The following NEMF variants were observed in gnomAD, a reference collection of about 807,000 sequenced individuals.
The protein encoded by NEMF is nuclear export mediator factor.
A neutral mutation model predicts 162.2 loss-of-function variants in NEMF; 89 were observed. The ratio of observed to expected loss-of-function variants is 0.55; its 90% CI spans 0.46 to 0.65. The LOEUF (loss-of-function observed/expected upper bound fraction) is 0.65, where lower values mean the gene tolerates loss of function less well. Ranked by LOEUF, NEMF falls within the 30% of genes least tolerant of loss-of-function variation. The pLI is 0.00. For synonymous variants in NEMF, 421 were observed against 404.5 expected (o/e 1.04, Z -0.49); for missense variants, 1,133 against 1,261.9 (o/e 0.90, Z 1.55).
At position 49,806,097 on chromosome 14, in the gene NEMF, C is replaced by T; in HGVS notation, c.1781G>A (p.Gly594Asp). The T allele has an allele frequency of 6.2e-7, 1 of 1,612,244 alleles. No individual in the cohort carries two copies. The highest frequency in any genetic ancestry group is 8.5e-7 in the Non-Finnish European group (1 of 1,179,486). The change falls in exon 19 of 33, where the codon GGC becomes GAC. Residue 594 changes from glycine to aspartate, a missense_variant. This residue lies in a region of NEMF where 532 missense variants were observed against 578.6 expected (regional missense o/e 0.92). Coordinates refer to ENST00000298310, the MANE Select transcript of NEMF (RefSeq NM_004713.6). ...PIPPRTLTEA[G>D]TMALCYSAAW... ...AGCACTGTAGCAAAGTGCCATTGTG[C>T]CAGCTTCAGTCAAGGTCCGTGGGGG...
At chr14:49,830,862 T>C (rs1308032425) in intron 11 of NEMF, among the ~76,000 whole-genome samples, 2 of 152,228 alleles carry the variant, frequency 1.3e-5, no homozygotes, top group Non-Finnish European at 2.9e-5. Context: ...GGAGTCATGA[T>C]ACACAGAAAA....
In NEMF at chr14:49,802,736, G is replaced by A; in HGVS notation, c.1916-9C>T. On this transcript the variant is annotated splice_polypyrimidine_tract_variant and intron_variant, in intron 20 of 32. Coordinates refer to ENST00000298310, the MANE Select transcript of NEMF (RefSeq NM_004713.6). ...AAGAAAATTCTTTTTTCCTACAAAA[G>A]ATAACGTACATTAATGCTTTGAAAA... The A allele has an allele frequency of 6.3e-7, 1 of 1,599,984 alleles. No homozygotes were observed. The highest frequency in any genetic ancestry group is 8.5e-7 in the Non-Finnish European group (1 of 1,169,966).
At chr14:49,787,721 A>G (rs1012544168) in intron 28 of NEMF, among the ~76,000 whole-genome samples, 1 of 152,204 alleles carries the variant, frequency 6.6e-6, no homozygotes, top group African/African-American at 2.4e-5. Context: ...AAGAACATTA[A>G]TAATTAACAC....
At chr14:49,813,113 A>G (rs1367555329) in intron 18 of NEMF, among the ~76,000 whole-genome samples, 1 of 152,162 alleles carries the variant, frequency 6.6e-6, no homozygotes, top group African/African-American at 2.4e-5. Context: ...TCTACCCCAG[A>G]GAATATTTCA....
At chr14:49,796,180 A>G in intron 25 of NEMF, 1 of 564,942 alleles carries the variant, frequency 1.8e-6, no homozygotes, top group Non-Finnish European at 3.3e-6. Context: ...AGCTCAACAT[A>G]TTGTCACCCC....
rs188941226 is a variant in NEMF at position 49,846,312 on chromosome 14, T to C, written c.232-47A>G. On this transcript the variant is annotated intron_variant, in intron 3 of 32. Transcript: ENST00000298310. ...CATTCATTTAGTAAAAGTGAATTCCTAACCATTTGGTATTGGTTTATAAAT... is the reference window on the plus strand; with the variant it reads ...CATTCATTTAGTAAAAGTGAATTCCCAACCATTTGGTATTGGTTTATAAAT... 1.2e-5 allele frequency: 19 copies of C among 1,581,532 alleles called. No individual in the cohort carries two copies. In the East Asian group the frequency reaches 3.8e-4, roughly 32 times the overall value.
chr14:49,845,743 T>G (rs1487667472), intron 4 of NEMF, among the ~76,000 whole-genome samples: 1 of 152,210 alleles, frequency 6.6e-6, no homozygotes, highest in East Asian at 1.9e-4. Flanking sequence ...ATTTATTAGA[T>G]CCATTACAAT....
chr14:49,831,334 C>G lies in NEMF; in HGVS notation c.910G>C (p.Glu304Gln). The G allele has an allele frequency of 6.2e-7, 1 of 1,602,594 alleles. No homozygotes were observed. Among genetic ancestry groups the G allele is most frequent in the Non-Finnish European group, 8.5e-7 (1 of 1,170,154 alleles). ...GCTTTTAAGTCAATTTTCTGGCCTT[C>G]TATCTTGGAATAAAATTCATCCACC... ...KAVDEFYSKI[E>Q]GQKIDLKALQ... The change falls in exon 11 of 33, where the codon GAA (glutamate) becomes CAA (glutamine). Residue 304 changes from glutamate to glutamine, a missense_variant. By Grantham distance (29) the Glu-to-Gln change is conservative. Around this residue, in one of 3 missense-constraint regions of NEMF, gnomAD observed 582 missense variants for 631.5 expected, o/e 0.92. Transcript: ENST00000298310.
chr14:49,822,135 A>G (rs1005275432), intron 16 of NEMF, among the ~76,000 whole-genome samples: 118 of 151,318 alleles, frequency 7.8e-4, no homozygotes, highest in Non-Finnish European at 8.8e-4. Flanking sequence ...AGTCATCACC[A>G]CTCCCCAATC....
rs1892461304 is a variant in NEMF at position 49,828,275 on chromosome 14, A to G, written c.1488+16T>C. 5 of 1,567,694 alleles carry G rather than the reference A, an allele frequency of 3.2e-6. No homozygotes were observed. The highest frequency in any genetic ancestry group is 4.4e-6 in the Non-Finnish European group (5 of 1,138,410). On this transcript the variant is annotated intron_variant, in intron 15 of 32. Coordinates refer to ENST00000298310, the MANE Select transcript of NEMF (RefSeq NM_004713.6). ...GGCACAAACAACTAACATTCACTCT[A>G]AGAAATACTCAGTACCTTCTCAGCA...
Position 49,814,061 on chromosome 14 carries a change from G to C in NEMF, c.1682-11C>G. ...GTACATAAATGTCTCCTTAAATACA[G>C]ACAAATAAAAAATGACACTTTAAGT... On this transcript the variant is annotated splice_polypyrimidine_tract_variant and intron_variant, in intron 17 of 32. Transcript: ENST00000298310. 3.4e-6 allele frequency: 5 copies of C among 1,455,242 alleles called. No individual in the cohort carries two copies. The highest frequency in any genetic ancestry group is 1.4e-5 in the African/African-American group (1 of 71,018). 90.1% of individuals were successfully genotyped at this position (1,455,242 alleles called of 1,614,324 possible).
intron 25 of NEMF, among the ~76,000 whole-genome samples, chr14:49,798,638 G>A (rs1890801455): frequency 6.6e-6 from 1 of 152,194 alleles, no homozygotes; most frequent in African/African-American, 2.4e-5. Context: ...GCCAGGCGCG[G>A]TGGCTTATGC....
intron 16 of NEMF, among the ~76,000 whole-genome samples, chr14:49,815,329 G>T (rs1891665453): frequency 6.6e-6 from 1 of 152,036 alleles, no homozygotes; most frequent in South Asian, 2.1e-4. Flanking sequence ...TTGTCCTTAG[G>T]AGGATAAAAT....
At chr14:49,838,290 T>C in intron 5 of NEMF, 84 bp from the exon 6 acceptor site, 1 of 1,031,654 alleles carries the variant, frequency 9.7e-7, no homozygotes, top group East Asian at 2.4e-5. Context: ...TTCATCTGTA[T>C]CAGTTCACCT....
intron 26 of NEMF, among the ~76,000 whole-genome samples, chr14:49,795,147 C>T (rs1034760581): frequency 6.6e-6 from 1 of 151,888 alleles, no homozygotes; most frequent in Non-Finnish European, 1.5e-5. Flanking sequence ...CCAGCCCAGA[C>T]AATATAGTTA....
At chr14:49,834,471 C>G in intron 6 of NEMF, 22 bp from the exon 7 acceptor site, 3 of 1,433,472 alleles carry the variant, frequency 2.1e-6, no homozygotes, top group Non-Finnish European at 2.9e-6. Context: ...GAGGATATTA[C>G]TTTTAGTATT....
At chr14:49,795,257 G>A (rs1890636997) in intron 26 of NEMF, among the ~76,000 whole-genome samples, 1 of 151,354 alleles carries the variant, frequency 6.6e-6, no homozygotes, top group African/African-American at 2.4e-5. Flanking sequence ...AGGATCACTT[G>A]AGCCTAGGAG....
intron 25 of NEMF, 52 bp downstream of exon 25, chr14:49,799,423 T>C (rs1340021183): frequency 2.4e-6 from 3 of 1,270,398 alleles, no homozygotes; most frequent in East Asian, 5.3e-5. Context: ...AGCTATCAAT[T>C]AAAAAAAAAA....
chr14:49,800,910 C>T, intron 22 of NEMF: 1 of 484,474 alleles, frequency 2.1e-6, no homozygotes, highest in Non-Finnish European at 3.6e-6. Context: ...TCCTTTACCA[C>T]AATAAATTTC....
Sources: allele counts gnomAD v4.1 joint callset (sites outside exome capture counted in the v4.1 genomes callset), GRCh38; gene constraint gnomAD v4.1.1; regional missense constraint gnomAD v4.1.1; transcripts MANE v1.5; gene names NCBI Gene and HGNC (gene_info 2026-07-23, HGNC 2026-07-21).